The following PLEKHG4B variants were observed in gnomAD, a reference collection of about 807,000 sequenced individuals.
PLEKHG4B encodes pleckstrin homology and RhoGEF domain containing G4B.
In PLEKHG4B, 111 loss-of-function variants were observed where a neutral mutation model predicts 121.3. The ratio of observed to expected loss-of-function variants is 0.92; its 90% confidence interval spans 0.78 to 1.07. PLEKHG4B has a LOEUF of 1.07. Ranked by LOEUF, PLEKHG4B falls within the 50% of genes least tolerant of loss-of-function variation. The probability of loss-of-function intolerance (pLI) is 0.00; values close to 1 mark genes in which losing one functional copy is unlikely to be tolerated. For synonymous variants in PLEKHG4B, 738 were observed against 725.0 expected, an observed-to-expected ratio of 1.02 and a Z score of -0.29; for missense variants, 1,831 against 1,757.8, an observed-to-expected ratio of 1.04 and a Z score of -0.74.
intron 18 of PLEKHG4B, among the ~76,000 whole-genome samples, chr5:174,905 G>T (rs1041271830): frequency 6.6e-6 from 1 of 151,942 alleles, no homozygotes; most frequent in Admixed American, 6.6e-5. Flanking sequence ...TCTCTCTAAG[G>T]GCCTAATCAC....
At chr5:102,581 A>T (rs1733854037) in intron 1 of PLEKHG4B, among the ~76,000 whole-genome samples, 1 of 152,188 alleles carries the variant, frequency 6.6e-6, no homozygotes, top group Non-Finnish European at 1.5e-5. Context: ...TTCCGCCTGT[A>T]AGACACGAGT....
chr5:156,681 G>T lies in PLEKHG4B; in HGVS notation c.2349-92G>T. On this transcript the variant is annotated intron_variant, in intron 10 of 19. Transcript: ENST00000637938. The surrounding 1 kb of genome is among the most constrained non-coding windows in gnomAD (Gnocchi z 4.4). ...CCGTTGCCTTGTGGCATGAGGGAATGGAAAGAGCAGGGTTTTTATATGGGG... is the reference window on the plus strand; with the variant it reads ...CCGTTGCCTTGTGGCATGAGGGAATTGAAAGAGCAGGGTTTTTATATGGGG... 1 of 1,452,224 alleles carries T rather than the reference G, an allele frequency of 6.9e-7. No homozygotes were observed. The highest frequency in any genetic ancestry group is 1.4e-5 in the South Asian group (1 of 70,494). The allele number at this position is 1,452,224 out of a possible 1,614,324, so 90.0% of individuals were successfully genotyped here.
At chr5:103,126 C>A in intron 1 of PLEKHG4B, among the ~76,000 whole-genome samples, 1 of 152,170 alleles carries the variant, frequency 6.6e-6, no homozygotes, top group East Asian at 1.9e-4. Context: ...TGTCTTCAAC[C>A]TTGTGAACTT....
chr5:153,545 T>TA (rs1735669626), intron 7 of PLEKHG4B, among the ~76,000 whole-genome samples: 2 of 152,312 alleles, frequency 1.3e-5, no homozygotes, highest in South Asian at 4.1e-4. Flanking sequence ...TTTACACACA[T>TA]ACCGCGGGGC....
chr5:138,754 G>A (rs1579275255), intron 2 of PLEKHG4B, among the ~76,000 whole-genome samples: 1 of 152,222 alleles, frequency 6.6e-6, no homozygotes, highest in Non-Finnish European at 1.5e-5. Context: ...AAACCCAGGC[G>A]GGGCTCTAGG....
At chr5:130,869 C>A (rs1734758622) in intron 2 of PLEKHG4B, among the ~76,000 whole-genome samples, 1 of 152,190 alleles carries the variant, frequency 6.6e-6, no homozygotes, top group South Asian at 2.1e-4. Context: ...TGGTAGCAAT[C>A]CCAGGGTAGC....
At chr5:97,868 C>T (rs1733675730) in intron 1 of PLEKHG4B, among the ~76,000 whole-genome samples, 1 of 152,274 alleles carries the variant, frequency 6.6e-6, no homozygotes, top group South Asian at 2.1e-4. Flanking sequence ...ACCAGACTCG[C>T]TCCATAGCAG....
rs183243585 is a variant in PLEKHG4B at position 184,946 on chromosome 5, G to A, written c.*2623G>A. The A allele has an allele frequency of 6.6e-6, 1 of 152,368 alleles. No homozygotes were observed. Among genetic ancestry groups the A allele is most frequent in the Admixed American group, 6.5e-5 (1 of 15,308 alleles). The allele number at this position is 152,368 out of a possible 1,614,324, so 9.4% of individuals were successfully genotyped here. A position where few individuals can be genotyped will look rare whatever the true frequency, so the allele number is the denominator to read the frequency against. ...TTTGTACTATACGCACAGGTAAACT[G>A]TGTGACCACAGCAGCGTGATGGCTG... On this transcript the variant is annotated 3_prime_UTR_variant, in exon 20 of 20. Transcript: ENST00000637938.
Position 185,076 on chromosome 5 carries a change from A to G in PLEKHG4B, c.*2753A>G, listed in dbSNP as rs530904148. On this transcript the variant is annotated 3_prime_UTR_variant, in exon 20 of 20. Transcript: ENST00000637938. The stretch of plus-strand genomic sequence containing the variant: ...CCCTTGAAACACCCACTAACAAAGA[A>G]TTACAGCTAATAGACCAACAGAGGA... The G allele has an allele frequency of 6.6e-6, 1 of 152,218 alleles. No individual in the cohort carries two copies. The highest frequency in any genetic ancestry group is 1.5e-5 in the Non-Finnish European group (1 of 68,040). The allele number at this position is 152,218 out of a possible 1,614,324, so 9.4% of individuals were successfully genotyped here. A position where few individuals can be genotyped will look rare whatever the true frequency, so the allele number is the denominator to read the frequency against.
intron 1 of PLEKHG4B, among the ~76,000 whole-genome samples, chr5:108,432 A>G (rs1469929408): frequency 6.6e-6 from 1 of 152,224 alleles, no homozygotes; most frequent in East Asian, 1.9e-4. Context: ...CAAAATACAC[A>G]GAAGCCTGAG....
chr5:165,216 G>C (rs1332123529), intron 13 of PLEKHG4B, among the ~76,000 whole-genome samples: 8 of 36,716 alleles, frequency 2.2e-4, no homozygotes, highest in South Asian at 1.4e-3. Flanking sequence ...TCACACTAAT[G>C]CTCTGACGGG....
intron 1 of PLEKHG4B, among the ~76,000 whole-genome samples, chr5:108,227 AG>A (rs1172325445): frequency 6.6e-5 from 10 of 152,310 alleles, no homozygotes; most frequent in African/African-American, 2.4e-4. Flanking sequence ...ATTAGGAACC[AG>A]GGATGATGTG....
Position 140,272 on chromosome 5 carries a change from T to A in PLEKHG4B, c.1033T>A (p.Cys345Ser), listed in dbSNP as rs1735117148. 2.1e-6 allele frequency: 3 copies of A among 1,459,780 alleles called. No individual in the cohort carries two copies. The highest frequency in any genetic ancestry group is 2.1e-4 in the Middle Eastern group (1 of 4,774). 90.4% of individuals were successfully genotyped at this position (1,459,780 alleles called of 1,614,324 possible). Residue 345 changes from cysteine (C) to serine (S), a missense_variant, in exon 3 of 20, where the codon TGT (cysteine) becomes AGT (serine). Transcript: ENST00000637938. ...SRRRPPGDPT[C>S]VQPRRWFRES... The stretch of plus-strand genomic sequence containing the variant: ...GAGGCGGCCGCCGGGGGACCCCACT[T>A]GTGTGCAGCCTAGACGCTGGTTCAG...
intron 1 of PLEKHG4B, among the ~76,000 whole-genome samples, chr5:110,433 A>G (rs1734116694): frequency 6.6e-6 from 1 of 150,728 alleles, no homozygotes; most frequent in East Asian, 2.0e-4. Flanking sequence ...ACACACGTGC[A>G]CACACCCACA....
rs1016007751 is a variant in PLEKHG4B at position 109,306 on chromosome 5, A to G, written c.46-3945A>G. Among the ~76,000 whole-genome samples the G allele has an allele frequency of 3.3e-5, 5 of 151,272 alleles. No individual in the cohort carries two copies. The South Asian group carries it at 1.0e-3, about 32-fold the overall frequency. ...CAGCTACTCGGAAGGCTGAGAGAGG[A>G]GAATCACTTGAACCCGGGAGGTGGA... is the stretch of plus-strand genomic sequence containing the variant. On this transcript the variant is annotated intron_variant, in intron 1 of 19. Coordinates refer to ENST00000637938, the MANE Select transcript of PLEKHG4B (RefSeq NM_052909.5).
intron 17 of PLEKHG4B, 131 bp from the exon 18 acceptor site, chr5:173,787 C>G (rs1736652120): frequency 1.8e-6 from 2 of 1,100,076 alleles, no homozygotes; most frequent in African/African-American, 1.6e-5. Flanking sequence ...GTCTCGCTCA[C>G]CCTGACCCAT....
rs149810869 is a variant in PLEKHG4B at position 115,014 on chromosome 5, T to G, written c.243+1566T>G. Among the ~76,000 whole-genome samples, 670 of 152,366 alleles carry G rather than the reference T, an allele frequency of 4.4e-3. 7 individuals are homozygous for G. Among genetic ancestry groups the G allele is most frequent in the Non-Finnish European group, 7.4e-3 (504 of 68,034 alleles). The stretch of plus-strand genomic sequence containing the variant: ...TCATAATAGCATCCAGAATGGTGAA[T>G]CCTTTCCAGAGGTTTACAATGTGCT... On this transcript the variant is annotated intron_variant, in intron 2 of 19. Transcript: ENST00000637938.
chr5:105,969 T>C (rs1446390853), intron 1 of PLEKHG4B, among the ~76,000 whole-genome samples: 1 of 152,196 alleles, frequency 6.6e-6, no homozygotes, highest in East Asian at 1.9e-4. Flanking sequence ...TTTCCCTAAT[T>C]GGACGCAATG....
At chr5:150,568 G>A (rs1054706472) in intron 6 of PLEKHG4B, among the ~76,000 whole-genome samples, 3 of 152,016 alleles carry the variant, frequency 2.0e-5, no homozygotes, top group East Asian at 1.9e-4. Flanking sequence ...GAATATATAC[G>A]GTCTCAAAAC....
Sources: allele counts gnomAD v4.1 joint callset (sites outside exome capture counted in the v4.1 genomes callset), GRCh38; gene constraint gnomAD v4.1.1; non-coding constraint Gnocchi (gnomAD v3.1); transcripts MANE v1.5; gene names NCBI Gene and HGNC (gene_info 2026-07-23, HGNC 2026-07-21).